Variants in PARN observed in about 807,000 individuals in gnomAD.
PARN encodes poly(A)-specific ribonuclease.
PARN carries 71 observed loss-of-function variants against 102.8 expected under a neutral mutation model. The ratio of observed to expected loss-of-function variants is 0.69; its 90% CI spans 0.57 to 0.84. PARN has a LOEUF of 0.84. Among genes scored for constraint, PARN ranks in the 40% least tolerant of loss-of-function variants. The pLI is 0.00. For synonymous variants in PARN, 261 were observed against 252.9 expected (o/e 1.03, Z -0.30); for missense variants, 782 against 760.9 (o/e 1.03, Z -0.33).
At chr16:14,444,864 G>C (rs1961125342) in intron 23 of PARN, among the ~76,000 whole-genome samples, 1 of 152,146 alleles carries the variant, frequency 6.6e-6, no homozygotes, top group Non-Finnish European at 1.5e-5. Context: ...GTGTCCCCCA[G>C]GTTGGAGTGC....
At chr16:14,534,176 GC>G in intron 21 of PARN, among the ~76,000 whole-genome samples, 2 of 146,300 alleles carry the variant, frequency 1.4e-5, no homozygotes, top group East Asian at 4.0e-4. Context: ...CCAAGATCGC[GC>G]CACTGCACTC....
rs1012304936 is a variant in PARN at position 14,520,580 on chromosome 16, T to C, written c.1480+31441A>G. 5.3e-5 allele frequency among the ~76,000 whole-genome samples: 8 copies of C among 151,922 alleles called. No individual in the cohort carries two copies. The East Asian group carries it at 5.8e-4, about 11-fold the overall frequency. On this transcript the variant is annotated intron_variant, in intron 21 of 23. Transcript: ENST00000437198. ...CAGGTACAGGGACATGCACCTGTAG[T>C]CCCAACTACTAGGGAGGCTGAGGCA...
At chr16:14,617,494 G>A (rs1972000224) in intron 6 of PARN, 96 bp downstream of exon 6, 19 of 730,052 alleles carry the variant, frequency 2.6e-5, no homozygotes, top group Middle Eastern at 3.6e-4. Flanking sequence ...TGTCTCAGCA[G>A]GCACAAAATA....
chr16:14,535,640 C>T (rs1703333178), intron 21 of PARN, among the ~76,000 whole-genome samples: 1 of 152,182 alleles, frequency 6.6e-6, no homozygotes, highest in South Asian at 2.1e-4. Flanking sequence ...TATGATTTTG[C>T]TTTCCAAAGT....
chr16:14,564,280 A>AT (rs1968290498), intron 18 of PARN, among the ~76,000 whole-genome samples: 1 of 152,186 alleles, frequency 6.6e-6, no homozygotes, highest in East Asian at 1.9e-4. Context: ...TCCCAGAAAC[A>AT]TTTTTTTATA....
chr16:14,574,183 G>T (rs1567402078), intron 18 of PARN, among the ~76,000 whole-genome samples: 1 of 152,202 alleles, frequency 6.6e-6, no homozygotes, highest in Non-Finnish European at 1.5e-5. Flanking sequence ...AACTTTTTGG[G>T]AACTGGAGCA....
chr16:14,593,492 T>TAAAAAAAAAAAAAAAAAA (rs35329440), intron 12 of PARN, 114 bp from the exon 13 acceptor site: 1 of 31,590 alleles, frequency 3.2e-5, no homozygotes, highest in Admixed American at 5.8e-4. Flanking sequence ...TTTCCAGACT[T>TAAAAAAAAAAAAAAAAAA]AAAAAAAAAA....
At chr16:14,448,769 A>G (rs548733458) in intron 22 of PARN, among the ~76,000 whole-genome samples, 1 of 152,326 alleles carries the variant, frequency 6.6e-6, no homozygotes, top group Admixed American at 6.5e-5. Context: ...AGGCATGGGA[A>G]GCAGAAGAGG....
At chr16:14,570,979 T>C (rs1968773602) in intron 18 of PARN, among the ~76,000 whole-genome samples, 1 of 151,692 alleles carries the variant, frequency 6.6e-6, no homozygotes, top group South Asian at 2.1e-4. Context: ...AGCAAGACCC[T>C]GTCTCAAGGG....
intron 21 of PARN, among the ~76,000 whole-genome samples, chr16:14,510,665 T>C (rs1965139714): frequency 6.6e-6 from 1 of 152,246 alleles, no homozygotes; most frequent in African/African-American, 2.4e-5. Context: ...TTCTGCTTTT[T>C]TGAAGTCCAT....
chr16:14,627,372 G>A (rs1174780606), intron 3 of PARN, 36 bp from the exon 4 acceptor site: 1 of 1,460,558 alleles, frequency 6.8e-7, no homozygotes, highest in East Asian at 2.4e-5. Context: ...TCACAAAAGT[G>A]CTGCATATTC....
At chr16:14,546,817 C>T (rs1966973011) in intron 21 of PARN, among the ~76,000 whole-genome samples, 1 of 152,054 alleles carries the variant, frequency 6.6e-6, no homozygotes, top group Non-Finnish European at 1.5e-5. Context: ...AAGATGAATT[C>T]CTGGCCAGGG....
Position 14,593,491 on chromosome 16 carries a change from T to A in PARN, c.841-113A>T. ...TTTGTACTAAACTCGCTTTCCAGAC[T>A]TAAAAAAAAAAAAAAAAAAAAAAAA... On this transcript the variant is annotated intron_variant, in intron 12 of 23. Coordinates refer to ENST00000437198, the MANE Select transcript of PARN (RefSeq NM_002582.4). 1 of 27,438 alleles carries A rather than the reference T, an allele frequency of 3.6e-5. No individual in the cohort carries two copies. The highest frequency in any genetic ancestry group is 6.7e-5 in the Non-Finnish European group (1 of 14,880). 1.7% of individuals were successfully genotyped at this position (27,438 alleles called of 1,614,324 possible). A position where few individuals can be genotyped will look rare whatever the true frequency, so the allele number is the denominator to read the frequency against.
intron 21 of PARN, among the ~76,000 whole-genome samples, chr16:14,505,619 G>T (rs915038552): frequency 2.0e-5 from 3 of 152,036 alleles, no homozygotes; most frequent in Non-Finnish European, 4.4e-5. Flanking sequence ...GATACCTGTG[G>T]TTCATACAAT....
chr16:14,483,935 C>T (rs923685616), intron 21 of PARN, among the ~76,000 whole-genome samples: 28 of 152,150 alleles, frequency 1.8e-4, no homozygotes, highest in African/African-American at 6.5e-4. Flanking sequence ...TTTGGTGCAT[C>T]CATCAGCTGA....
At chr16:14,477,141 C>T (rs1963097427) in intron 22 of PARN, among the ~76,000 whole-genome samples, 2 of 152,126 alleles carry the variant, frequency 1.3e-5, no homozygotes, top group Admixed American at 1.3e-4. Flanking sequence ...GATGCAAACG[C>T]TAAGTATAAG....
intron 12 of PARN, among the ~76,000 whole-genome samples, chr16:14,594,989 T>C (rs1970414010): frequency 6.6e-6 from 1 of 152,156 alleles, no homozygotes; most frequent in South Asian, 2.1e-4. Flanking sequence ...TGAACCAAAC[T>C]GTATTATAAA....
chr16:14,590,567 G>A (rs529520530), intron 13 of PARN, among the ~76,000 whole-genome samples: 10 of 149,810 alleles, frequency 6.7e-5, no homozygotes, highest in Admixed American at 1.3e-4. Context: ...CCCAGGAAGC[G>A]GAGGGTGCAC....
At chr16:14,459,847 G>A (rs185472721) in intron 22 of PARN, among the ~76,000 whole-genome samples, 30 of 152,214 alleles carry the variant, frequency 2.0e-4, no homozygotes, top group Admixed American at 1.4e-3. Flanking sequence ...AGACCCATAC[G>A]TATATGACCA....
Sources: gnomAD v4.1 joint callset for allele counts (sites outside exome capture counted in the v4.1 genomes callset) on GRCh38, gnomAD v4.1.1 for gene constraint, MANE v1.5 for transcripts, NCBI Gene and HGNC (gene_info 2026-07-23, HGNC 2026-07-21) for gene names.